SRBD1: variants seen among roughly 807,000 people sequenced by gnomAD.
SRBD1 encodes the protein S1 RNA-binding domain-containing protein 1.
Under a neutral mutation model 115.3 loss-of-function variants are expected in SRBD1, and 88 were observed. The ratio of observed to expected loss-of-function variants is 0.76; its 90% CI spans 0.64 to 0.91. The LOEUF is 0.91. Among genes scored for constraint, SRBD1 ranks in the 40% least tolerant of loss-of-function variants. The pLI, the probability that SRBD1 is intolerant of heterozygous loss-of-function variation, is 0.00. For missense variants in SRBD1, 1,385 were observed against 1,177.4 expected (o/e 1.18, Z -2.58); for synonymous variants, 509 against 407.7 (o/e 1.25, Z -2.99).
At chr2:45,425,419 C>T (rs369738473) in intron 16 of SRBD1, among the ~76,000 whole-genome samples, 6 of 152,030 alleles carry the variant, frequency 3.9e-5, no homozygotes, top group African/African-American at 1.5e-4. Context: ...TATATGTGTA[C>T]AATCTAAATA....
chr2:45,457,664 C>A (rs961124843), intron 16 of SRBD1, among the ~76,000 whole-genome samples: 2 of 151,850 alleles, frequency 1.3e-5, no homozygotes, highest in Non-Finnish European at 2.9e-5. Context: ...AAAAATACCC[C>A]GACAAACACT....
chr2:45,495,115 T>C (rs1670416344), intron 14 of SRBD1, among the ~76,000 whole-genome samples: 2 of 152,152 alleles, frequency 1.3e-5, no homozygotes, highest in African/African-American at 4.8e-5. Context: ...TACAGAGCAG[T>C]CTTTCAAAAG....
At chr2:45,558,685 AT>A (rs1214807980) in intron 10 of SRBD1, among the ~76,000 whole-genome samples, 6,645 of 89,676 alleles carry the variant, frequency 0.074, 122 homozygotes, top group African/African-American at 0.19. Flanking sequence ...CCACACAATT[AT>A]TTTTTTTTTT....
At chr2:45,515,175 G>A (rs73927516) in intron 14 of SRBD1, among the ~76,000 whole-genome samples, 1 of 152,112 alleles carries the variant, frequency 6.6e-6, no homozygotes, top group Non-Finnish European at 1.5e-5. Context: ...AGAATTAAAG[G>A]AGATTTATTA....
chr2:45,478,294 G>C (rs1267109139), intron 15 of SRBD1, among the ~76,000 whole-genome samples: 1 of 152,134 alleles, frequency 6.6e-6, no homozygotes, highest in Admixed American at 6.5e-5. Context: ...GTCATCTCTT[G>C]CAAGTGACTC....
chr2:45,498,473 A>G (rs1412114974), intron 14 of SRBD1, among the ~76,000 whole-genome samples: 1 of 152,208 alleles, frequency 6.6e-6, no homozygotes, highest in African/African-American at 2.4e-5. Context: ...ATATCTGTAT[A>G]TAATCTGTAA....
intron 8 of SRBD1, 79 bp from the exon 9 acceptor site, chr2:45,573,421 A>T: frequency 6.7e-7 from 1 of 1,484,090 alleles, no homozygotes; most frequent in Non-Finnish European, 8.9e-7. Flanking sequence ...AAATAAGGAT[A>T]GCAAAAAAAG....
At chr2:45,498,550 C>T (rs1209099796) in intron 14 of SRBD1, among the ~76,000 whole-genome samples, 1 of 152,090 alleles carries the variant, frequency 6.6e-6, no homozygotes, top group Non-Finnish European at 1.5e-5. Flanking sequence ...ATGTTGAGAA[C>T]ATTACAATTC....
chr2:45,391,940 T>G (rs1176974772), intron 20 of SRBD1, among the ~76,000 whole-genome samples: 1 of 152,106 alleles, frequency 6.6e-6, no homozygotes, highest in Non-Finnish European at 1.5e-5. Flanking sequence ...TGAGAACCAC[T>G]GCTCCACCTA....
chr2:45,469,086 A>G, intron 16 of SRBD1, among the ~76,000 whole-genome samples: 1 of 152,146 alleles, frequency 6.6e-6, no homozygotes, highest in East Asian at 1.9e-4. Context: ...GATTTGCAAG[A>G]GACCTTTACA....
At chr2:45,406,608 A>C (rs759490071) in intron 19 of SRBD1, among the ~76,000 whole-genome samples, 2 of 152,200 alleles carry the variant, frequency 1.3e-5, no homozygotes, top group Non-Finnish European at 2.9e-5. Context: ...AAAATAAGAC[A>C]GCAAACACAT....
intron 14 of SRBD1, among the ~76,000 whole-genome samples, chr2:45,523,952 A>T (rs1671363377): frequency 6.6e-6 from 1 of 152,086 alleles, no homozygotes; most frequent in African/African-American, 2.4e-5. Flanking sequence ...ATCCAACAAC[A>T]CCATCACCAA....
intron 14 of SRBD1, among the ~76,000 whole-genome samples, chr2:45,492,430 G>T (rs1407717388): frequency 6.6e-6 from 1 of 151,860 alleles, no homozygotes; most frequent in Non-Finnish European, 1.5e-5. Flanking sequence ...GAAAAACTAG[G>T]TTTTTTCTGT....
At chr2:45,471,653 C>T (rs960629156) in intron 16 of SRBD1, among the ~76,000 whole-genome samples, 1 of 152,108 alleles carries the variant, frequency 6.6e-6, no homozygotes, top group Admixed American at 6.5e-5. Context: ...CTCACTGTAT[C>T]CTTCTGACTT....
chr2:45,474,510 T>C (rs1040398377), intron 16 of SRBD1, among the ~76,000 whole-genome samples: 4 of 152,224 alleles, frequency 2.6e-5, no homozygotes, highest in African/African-American at 7.2e-5. Flanking sequence ...CTCTGGCCTA[T>C]GTTAAGGTCA....
chr2:45,537,522 G>A (rs937516106), intron 14 of SRBD1, among the ~76,000 whole-genome samples: 4 of 152,226 alleles, frequency 2.6e-5, no homozygotes, highest in Admixed American at 6.5e-5. Flanking sequence ...CTGGATGATC[G>A]AAACAGGAGT....
At chr2:45,508,107 G>C (rs756202008) in intron 14 of SRBD1, among the ~76,000 whole-genome samples, 1 of 152,084 alleles carries the variant, frequency 6.6e-6, no homozygotes, top group African/African-American at 2.4e-5. Flanking sequence ...AGGTTGTTCA[G>C]CTATTCAGTC....
At chr2:45,398,739 G>A (rs996256733) in intron 19 of SRBD1, among the ~76,000 whole-genome samples, 4 of 152,066 alleles carry the variant, frequency 2.6e-5, no homozygotes, top group African/African-American at 9.7e-5. Context: ...TAGTTGAACA[G>A]TGCTCATATA....
At chr2:45,567,896 C>G (rs1178140829) in intron 9 of SRBD1, 1 of 152,052 alleles carries the variant, frequency 6.6e-6, no homozygotes, top group Non-Finnish European at 1.5e-5. Context: ...GTTTTTTGCT[C>G]TTTTTCACCA....
Sources: gnomAD v4.1 joint callset for allele counts (sites outside exome capture counted in the v4.1 genomes callset) on GRCh38, gnomAD v4.1.1 for gene constraint, MANE v1.5 for transcripts, NCBI Gene and HGNC (gene_info 2026-07-23, HGNC 2026-07-21) for gene names.